GPRC5A: variants seen among roughly 807,000 people sequenced by gnomAD.
GPRC5A encodes G protein-coupled receptor class C group 5 member A.
In GPRC5A, 19 loss-of-function variants were observed where a neutral mutation model predicts 22.5. That is an observed-to-expected ratio of 0.85 (90% CI 0.59 to 1.24). The LOEUF (loss-of-function observed/expected upper bound fraction) is 1.24, where lower values mean the gene tolerates loss of function less well. Among genes scored for constraint, GPRC5A ranks in the 50% most tolerant of loss-of-function variants. GPRC5A has a pLI of 0.00. For synonymous variants in GPRC5A, 192 were observed against 184.5 expected (o/e 1.04, Z -0.33); for missense variants, 471 against 451.1 (o/e 1.04, Z -0.40).
At chr12:12,911,821 T>C (rs1864008496) in intron 2 of GPRC5A, among the ~76,000 whole-genome samples, 1 of 152,298 alleles carries the variant, frequency 6.6e-6, no homozygotes, top group Non-Finnish European at 1.5e-5. Context: ...GAAGTGGTCC[T>C]AGGATGAGGT....
At chr12:12,906,061 T>A (rs1863938590) in intron 1 of GPRC5A, among the ~76,000 whole-genome samples, 1 of 151,864 alleles carries the variant, frequency 6.6e-6, no homozygotes, top group Admixed American at 6.6e-5. Context: ...TAAGGCTAAT[T>A]TGAGAGGAGA....
intron 1 of GPRC5A, among the ~76,000 whole-genome samples, chr12:12,906,425 C>T (rs887069450): frequency 1.3e-5 from 2 of 151,958 alleles, no homozygotes; most frequent in East Asian, 1.9e-4. Context: ...CAAAAATTAG[C>T]GGGGTGTGGT....
At chr12:12,902,302 C>A (rs1245949545) in intron 1 of GPRC5A, among the ~76,000 whole-genome samples, 1 of 150,784 alleles carries the variant, frequency 6.6e-6, no homozygotes, top group African/African-American at 2.4e-5. Flanking sequence ...AATGATAATT[C>A]CAAACTAATT....
intron 1 of GPRC5A, among the ~76,000 whole-genome samples, chr12:12,894,911 TG>T (rs1863805663): frequency 6.6e-6 from 1 of 151,472 alleles, no homozygotes; most frequent in Admixed American, 6.6e-5. Context: ...CTTGAGTAGC[TG>T]GGACTACAGG....
intron 1 of GPRC5A, among the ~76,000 whole-genome samples, 185 bp from the exon 2 acceptor site, chr12:12,908,058 G>A (rs1387439469): frequency 6.6e-6 from 1 of 152,196 alleles, no homozygotes. Flanking sequence ...TCTTCAACAG[G>A]TTTTAGAATT....
chr12:12,904,730 A>G (rs1420763746), intron 1 of GPRC5A, among the ~76,000 whole-genome samples: 1 of 152,154 alleles, frequency 6.6e-6, no homozygotes, highest in Admixed American at 6.6e-5. Flanking sequence ...TATCGTGATA[A>G]TATATATTCA....
At chr12:12,896,256 A>G (rs1389484178) in intron 1 of GPRC5A, among the ~76,000 whole-genome samples, 1 of 152,142 alleles carries the variant, frequency 6.6e-6, no homozygotes. Context: ...TGGGATGAAC[A>G]CCGTGGTTAT....
At position 12,913,827 on chromosome 12, in the gene GPRC5A, G is replaced by A. The variant is rs1281606267; in HGVS notation, c.*1288G>A. Reference sequence around the variant, plus strand: ...TGTGTTTCCCCTCATTTTTGAGGCTGTCAATGGTGTGAGAGCCAGGATCAT... The same window carrying A: ...TGTGTTTCCCCTCATTTTTGAGGCTATCAATGGTGTGAGAGCCAGGATCAT... On this transcript the variant is annotated 3_prime_UTR_variant, in exon 4 of 4. Coordinates refer to ENST00000014914, the MANE Select transcript of GPRC5A (RefSeq NM_003979.4). 1 of 152,158 alleles carries A rather than the reference G, an allele frequency of 6.6e-6. No homozygotes were observed. The highest frequency in any genetic ancestry group is 2.4e-5 in the African/African-American group (1 of 41,434). 9.4% of individuals were successfully genotyped at this position (152,158 alleles called of 1,614,324 possible).
intron 2 of GPRC5A, among the ~76,000 whole-genome samples, chr12:12,911,477 T>C (rs1420184280): frequency 6.6e-6 from 1 of 152,032 alleles, no homozygotes; most frequent in Non-Finnish European, 1.5e-5. Context: ...GACTGGTTTT[T>C]ATGACTTTTT....
intron 1 of GPRC5A, among the ~76,000 whole-genome samples, chr12:12,898,492 T>C (rs1374795118): frequency 6.6e-6 from 1 of 151,790 alleles, no homozygotes; most frequent in East Asian, 1.9e-4. Flanking sequence ...GATTGTGCCA[T>C]TGCATCACTC....
At chr12:12,902,057 A>G (rs981710857) in intron 1 of GPRC5A, among the ~76,000 whole-genome samples, 2 of 152,010 alleles carry the variant, frequency 1.3e-5, no homozygotes, top group African/African-American at 4.8e-5. Context: ...TCTAGAAATC[A>G]TTTTCAGTTT....
chr12:12,909,479 G>C (rs1394751001), intron 2 of GPRC5A: 2 of 262,118 alleles, frequency 7.6e-6, no homozygotes, highest in Non-Finnish European at 1.4e-5. Flanking sequence ...AGGTTTCTGT[G>C]CATCAAAATA....
At position 12,914,744 on chromosome 12, in the gene GPRC5A, T is replaced by A. The variant is rs1329786505; in HGVS notation, c.*2205T>A. ...GATTTTCGTGCCTCGGCCTTCTGAG[T>A]AGCTGGGATTACAGGCGTGCGTGCG... On this transcript the variant is annotated 3_prime_UTR_variant, in exon 4 of 4. Coordinates refer to ENST00000014914, the MANE Select transcript of GPRC5A (RefSeq NM_003979.4). 7.0e-6 allele frequency: 1 copy of A among 141,956 alleles called. No individual in the cohort carries two copies. The highest frequency in any genetic ancestry group is 1.5e-5 in the Non-Finnish European group (1 of 66,932). 8.8% of individuals were successfully genotyped at this position (141,956 alleles called of 1,614,324 possible).
intron 1 of GPRC5A, among the ~76,000 whole-genome samples, chr12:12,895,068 G>A (rs775627729): frequency 6.6e-6 from 1 of 152,076 alleles, no homozygotes; most frequent in African/African-American, 2.4e-5. Context: ...GTGAGCCACC[G>A]TGCCCGGCCC....
intron 1 of GPRC5A, among the ~76,000 whole-genome samples, chr12:12,899,605 A>C (rs1488212289): frequency 6.6e-6 from 1 of 152,326 alleles, no homozygotes; most frequent in East Asian, 1.9e-4. Context: ...AATGGATGTA[A>C]AAGCATGTAA....
intron 1 of GPRC5A, among the ~76,000 whole-genome samples, chr12:12,902,287 T>G (rs149900145): frequency 6.6e-6 from 1 of 151,820 alleles, no homozygotes; most frequent in Admixed American, 6.6e-5. Flanking sequence ...CAGAGGTGAA[T>G]TAAGAATGAT....
chr12:12,909,762 C>T (rs1431029512), intron 2 of GPRC5A: 4 of 152,394 alleles, frequency 2.6e-5, no homozygotes, highest in Admixed American at 2.6e-4. Flanking sequence ...GTGTATGTTT[C>T]TGGGCCCATG....
intron 1 of GPRC5A, among the ~76,000 whole-genome samples, chr12:12,907,186 G>A (rs2417238): frequency 0.47 from 70,708 of 151,472 alleles, 17,322 homozygotes; most frequent in East Asian, 0.89. Flanking sequence ...AGAAAAATCT[G>A]CTATTCAGAG....
intron 1 of GPRC5A, among the ~76,000 whole-genome samples, chr12:12,899,192 A>G (rs1863855031): frequency 6.6e-6 from 1 of 151,860 alleles, no homozygotes; most frequent in Non-Finnish European, 1.5e-5. Context: ...CTAAATTAGC[A>G]CCCGGCTAAT....
Sources: gnomAD v4.1 joint callset for allele counts (sites outside exome capture counted in the v4.1 genomes callset) on GRCh38, gnomAD v4.1.1 for gene constraint, MANE v1.5 for transcripts, NCBI Gene and HGNC (gene_info 2026-07-23, HGNC 2026-07-21) for gene names.